Variants in COA1 observed in about 807,000 individuals in gnomAD.
COA1 encodes cytochrome c oxidase assembly factor 1 homolog.
A neutral mutation model predicts 16.0 loss-of-function variants in COA1; 13 were observed. The ratio of observed to expected loss-of-function variants is 0.81; its 90% CI spans 0.53 to 1.29. The LOEUF (loss-of-function observed/expected upper bound fraction) is 1.29. Among genes scored for constraint, COA1 ranks in the 50% most tolerant of loss-of-function variants. The pLI, the probability that COA1 is intolerant of heterozygous loss-of-function variation, is 0.00. For synonymous variants in COA1, 65 were observed against 65.7 expected (o/e 0.99, Z 0.05); for missense variants, 179 against 177.0 (o/e 1.01, Z -0.06).
chr7:43,692,093 AC>A (rs1432578734), intron 1 of COA1, among the ~76,000 whole-genome samples: 1 of 151,878 alleles, frequency 6.6e-6, no homozygotes, highest in Non-Finnish European at 1.5e-5. Flanking sequence ...GAGAGAGATA[AC>A]CCCCATATCT....
chr7:43,660,533 C>G (rs2092316803), intron 1 of COA1, among the ~76,000 whole-genome samples: 1 of 152,156 alleles, frequency 6.6e-6, no homozygotes, highest in Non-Finnish European at 1.5e-5. Context: ...ATTACTCTCC[C>G]TATTTTGTAA....
intron 1 of COA1, among the ~76,000 whole-genome samples, chr7:43,687,354 A>G (rs940231889): frequency 5.9e-5 from 9 of 152,236 alleles, no homozygotes; most frequent in African/African-American, 2.2e-4. Context: ...AAGACATTTT[A>G]AAGTGCTTCC....
chr7:43,624,452 T>C, intron 6 of COA1: 1 of 1,458,726 alleles, frequency 6.9e-7, no homozygotes, highest in Non-Finnish European at 9.2e-7. Context: ...ATAAATACAG[T>C]ACCTTATGCT....
At chr7:43,642,065 G>A (rs1036159476) in intron 4 of COA1, 2 of 152,148 alleles carry the variant, frequency 1.3e-5, no homozygotes, top group African/African-American at 4.8e-5. Context: ...GTACACATTT[G>A]TGCTTTCCAA....
chr7:43,629,755 G>A (rs1203504501), intron 6 of COA1, among the ~76,000 whole-genome samples: 9 of 152,150 alleles, frequency 5.9e-5, no homozygotes, highest in Non-Finnish European at 1.2e-4. Context: ...TAATGGAATC[G>A]CAGAGGGAAT....
At chr7:43,660,954 C>A (rs1388784763) in intron 1 of COA1, among the ~76,000 whole-genome samples, 1 of 152,182 alleles carries the variant, frequency 6.6e-6, no homozygotes, top group Non-Finnish European at 1.5e-5. Flanking sequence ...TCACCACATT[C>A]TTAAATCCCA....
intron 1 of COA1, among the ~76,000 whole-genome samples, chr7:43,694,258 TA>T (rs147164915): frequency 0.16 from 21,721 of 138,866 alleles, 2,041 homozygotes; most frequent in Non-Finnish European, 0.23. Flanking sequence ...CTCCCATCTT[TA>T]AAAAAAAAAA....
intron 5 of COA1, 89 bp downstream of exon 5, chr7:43,640,484 A>G: frequency 1.0e-6 from 1 of 958,102 alleles, no homozygotes; most frequent in Non-Finnish European, 1.6e-6. Flanking sequence ...GCCCACAGTA[A>G]TTTAACAACA....
chr7:43,614,318 T>A (rs1267191012), intron 6 of COA1, among the ~76,000 whole-genome samples: 1 of 152,232 alleles, frequency 6.6e-6, no homozygotes, highest in African/African-American at 2.4e-5. Context: ...TCTCTATTGA[T>A]TGACCTTGCT....
At chr7:43,699,061 A>G in intron 1 of COA1, among the ~76,000 whole-genome samples, 1 of 152,208 alleles carries the variant, frequency 6.6e-6, no homozygotes, top group East Asian at 1.9e-4. Flanking sequence ...GGGAAAACTC[A>G]GAACAGCGTG....
chr7:43,699,670 G>A (rs901520515), intron 1 of COA1, among the ~76,000 whole-genome samples: 1 of 152,136 alleles, frequency 6.6e-6, no homozygotes, highest in African/African-American at 2.4e-5. Context: ...GCTTCAAAGT[G>A]ACACTAAGCA....
chr7:43,693,366 T>G (rs1202120367), intron 1 of COA1, among the ~76,000 whole-genome samples: 1 of 152,202 alleles, frequency 6.6e-6, no homozygotes, highest in East Asian at 1.9e-4. Flanking sequence ...ACATTGTTCT[T>G]GTCAAATGCA....
intron 5 of COA1, among the ~76,000 whole-genome samples, chr7:43,640,038 GT>G (rs1264381882): frequency 1.3e-5 from 2 of 152,212 alleles, no homozygotes; most frequent in Admixed American, 6.5e-5. Flanking sequence ...TGAGCCCAGG[GT>G]GAGCTAGGTG....
At chr7:43,686,439 T>TG (rs1309570953) in intron 1 of COA1, among the ~76,000 whole-genome samples, 1 of 151,512 alleles carries the variant, frequency 6.6e-6, no homozygotes, top group Non-Finnish European at 1.5e-5. Flanking sequence ...CCCGAGTAGC[T>TG]GGGACTACAG....
chr7:43,691,335 G>GAGAA (rs1563382803), intron 1 of COA1, among the ~76,000 whole-genome samples: 35 of 34,454 alleles, frequency 1.0e-3, no homozygotes, highest in Non-Finnish European at 1.4e-3. Flanking sequence ...GAAAGAGAAA[G>GAGAA]AGAGAGAGGG....
chr7:43,691,328 A>AGAAG (rs1734970580), intron 1 of COA1, among the ~76,000 whole-genome samples: 2 of 85,472 alleles, frequency 2.3e-5, no homozygotes, highest in African/African-American at 9.1e-5. Flanking sequence ...AAAGAAAGAA[A>AGAAG]GAGAAAGAGA....
At chr7:43,629,533 A>G (rs1326341083) in intron 6 of COA1, among the ~76,000 whole-genome samples, 1 of 152,138 alleles carries the variant, frequency 6.6e-6, no homozygotes, top group African/African-American at 2.4e-5. Flanking sequence ...TTTTTTGGAT[A>G]GTCTTCATAT....
intron 6 of COA1, among the ~76,000 whole-genome samples, chr7:43,628,905 CT>C: frequency 6.6e-6 from 1 of 152,136 alleles, no homozygotes; most frequent in Non-Finnish European, 1.5e-5. Flanking sequence ...ATAGTTAATG[CT>C]TTCTTTGTGC....
intron 4 of COA1, among the ~76,000 whole-genome samples, chr7:43,644,739 T>TAGATAGAC (rs1563227635): frequency 1.2e-5 from 1 of 86,292 alleles, no homozygotes; most frequent in Non-Finnish European, 2.7e-5. Flanking sequence ...GATAGATAGA[T>TAGATAGAC]AGATAGATAG....
Sources: gnomAD v4.1 joint callset for allele counts (sites outside exome capture counted in the v4.1 genomes callset) on GRCh38, gnomAD v4.1.1 for gene constraint, MANE v1.5 for transcripts, NCBI Gene and HGNC (gene_info 2026-07-23, HGNC 2026-07-21) for gene names.